The following BTBD9 variants were observed in gnomAD, a reference collection of about 807,000 sequenced individuals.
BTBD9 encodes the protein BTB/POZ domain-containing protein 9.
A neutral mutation model predicts 64.3 loss-of-function variants in BTBD9; 49 were observed. That is an observed-to-expected ratio of 0.76 (90% CI 0.61 to 0.97). The LOEUF is 0.97. Ranked by LOEUF, BTBD9 falls within the 50% of genes least tolerant of loss-of-function variation. The pLI is 0.00. For synonymous variants in BTBD9, 260 were observed against 274.7 expected, an observed-to-expected ratio of 0.95 and a Z score of 0.53; for missense variants, 598 against 762.1, an observed-to-expected ratio of 0.78 and a Z score of 2.53.
Position 38,170,850 on chromosome 6 carries a change from C to G in BTBD9, c.*4135G>C, listed in dbSNP as rs1391755789. On this transcript the variant is annotated 3_prime_UTR_variant, in exon 11 of 11. Transcript: ENST00000481247. ...AAATGGAGTATGCCCACCTCTGCCA[C>G]GGCATCGCTGCAGACCTGCCCTGCC... 1 of 152,388 alleles carries G rather than the reference C, an allele frequency of 6.6e-6. No individual in the cohort carries two copies. The highest frequency in any genetic ancestry group is 2.1e-4 in the South Asian group (1 of 4,832). 9.4% of individuals were successfully genotyped at this position (152,388 alleles called of 1,614,324 possible).
At chr6:38,505,602 C>T (rs1285911144) in intron 6 of BTBD9, among the ~76,000 whole-genome samples, 14 of 148,656 alleles carry the variant, frequency 9.4e-5, no homozygotes, top group Admixed American at 2.0e-4. Context: ...CCAGCCTGAG[C>T]GACACAGCGA....
chr6:38,625,764 T>A (rs1271413163), intron 1 of BTBD9, among the ~76,000 whole-genome samples: 1 of 152,120 alleles, frequency 6.6e-6, no homozygotes, highest in Non-Finnish European at 1.5e-5. Context: ...GAACCTGAGA[T>A]AGAATAAGGA....
chr6:38,405,109 T>C (rs1767106698), intron 6 of BTBD9, among the ~76,000 whole-genome samples: 2 of 152,188 alleles, frequency 1.3e-5, no homozygotes, highest in South Asian at 4.1e-4. Context: ...TGCCTGATGG[T>C]TGTAGCTTTG....
intron 6 of BTBD9, among the ~76,000 whole-genome samples, chr6:38,377,420 T>A (rs1451547819): frequency 3.3e-5 from 5 of 152,152 alleles, no homozygotes; most frequent in African/African-American, 1.2e-4. Context: ...TTTAAGAATA[T>A]CAGAAACCAA....
chr6:38,227,758 T>TTGCCAAGAACTCA (rs1335746256), intron 9 of BTBD9, among the ~76,000 whole-genome samples: 1 of 152,224 alleles, frequency 6.6e-6, no homozygotes, highest in Non-Finnish European at 1.5e-5. Flanking sequence ...CATTCTCTCC[T>TTGCCAAGAACTCA]TGCCAAGAAC....
At chr6:38,202,841 C>G (rs1319900552) in intron 9 of BTBD9, among the ~76,000 whole-genome samples, 2 of 152,108 alleles carry the variant, frequency 1.3e-5, no homozygotes, top group Non-Finnish European at 2.9e-5. Flanking sequence ...GGATATTGGT[C>G]TAGCCAAATG....
intron 6 of BTBD9, among the ~76,000 whole-genome samples, chr6:38,355,945 A>G (rs895445388): frequency 6.6e-6 from 1 of 152,102 alleles, no homozygotes; most frequent in African/African-American, 2.4e-5. Context: ...TTCGTATATG[A>G]TTGGTTGTTT....
At chr6:38,400,229 C>G (rs150629921) in intron 6 of BTBD9, among the ~76,000 whole-genome samples, 1 of 152,110 alleles carries the variant, frequency 6.6e-6, no homozygotes, top group Non-Finnish European at 1.5e-5. Context: ...ATTGCTCTCT[C>G]GCTGCTAGCC....
At chr6:38,429,510 T>C (rs1291478573) in intron 6 of BTBD9, among the ~76,000 whole-genome samples, 1 of 151,418 alleles carries the variant, frequency 6.6e-6, no homozygotes, top group Non-Finnish European at 1.5e-5. Context: ...TACCACCCTA[T>C]TGAGCACCTT....
At chr6:38,236,936 T>C (rs1282240274) in intron 9 of BTBD9, among the ~76,000 whole-genome samples, 2 of 152,216 alleles carry the variant, frequency 1.3e-5, no homozygotes, top group African/African-American at 4.8e-5. Context: ...GAGATGGCTG[T>C]GCCAAATGAA....
At chr6:38,489,614 C>T (rs904416827) in intron 6 of BTBD9, among the ~76,000 whole-genome samples, 2 of 152,092 alleles carry the variant, frequency 1.3e-5, no homozygotes, top group Non-Finnish European at 2.9e-5. Context: ...ACTTCTAGGA[C>T]GGACCAGCTT....
intron 10 of BTBD9, among the ~76,000 whole-genome samples, chr6:38,176,302 G>A (rs186972456): frequency 3.3e-5 from 5 of 152,270 alleles, no homozygotes; most frequent in Non-Finnish European, 5.9e-5. Context: ...TAAATTCCAC[G>A]CTTACCTCCC....
intron 9 of BTBD9, among the ~76,000 whole-genome samples, chr6:38,206,568 A>AT (rs139617883): frequency 1.6e-3 from 237 of 152,070 alleles, no homozygotes; most frequent in African/African-American, 5.5e-3. Flanking sequence ...AAAACAAATG[A>AT]TAAAAAAAAA....
intron 6 of BTBD9, among the ~76,000 whole-genome samples, chr6:38,349,178 G>A (rs1020317744): frequency 2.6e-5 from 4 of 152,020 alleles, no homozygotes; most frequent in South Asian, 2.1e-4. Context: ...GTGAGCCACC[G>A]CACCTGACCC....
chr6:38,355,116 T>C (rs968673224), intron 6 of BTBD9, among the ~76,000 whole-genome samples: 3 of 152,168 alleles, frequency 2.0e-5, no homozygotes, highest in African/African-American at 7.2e-5. Flanking sequence ...ATAAGAGATT[T>C]TGCTGCTGAA....
chr6:38,299,206 A>G (rs1223350951), intron 7 of BTBD9, among the ~76,000 whole-genome samples: 4 of 152,196 alleles, frequency 2.6e-5, no homozygotes, highest in Non-Finnish European at 5.9e-5. Flanking sequence ...TTATGGCTGC[A>G]TAGTATTCCA....
intron 9 of BTBD9, among the ~76,000 whole-genome samples, chr6:38,230,274 C>A (rs1254486662): frequency 6.6e-6 from 1 of 152,016 alleles, no homozygotes; most frequent in African/African-American, 2.4e-5. Context: ...GCAGACAGAT[C>A]ACCTGAGGTC....
chr6:38,239,031 A>G (rs150981277), intron 9 of BTBD9, among the ~76,000 whole-genome samples: 15 of 152,254 alleles, frequency 9.9e-5, no homozygotes, highest in African/African-American at 2.9e-4. Context: ...ACTCCATTCA[A>G]TCTTAATGGG....
chr6:38,222,423 T>TGG (rs1561892566), intron 9 of BTBD9, among the ~76,000 whole-genome samples: 8 of 151,636 alleles, frequency 5.3e-5, no homozygotes, highest in African/African-American at 7.3e-5. Flanking sequence ...ACCATGCCCA[T>TGG]CTAATTTTTG....
Sources: allele counts gnomAD v4.1 joint callset (sites outside exome capture counted in the v4.1 genomes callset), GRCh38; gene constraint gnomAD v4.1.1; transcripts MANE v1.5; gene names NCBI Gene and HGNC (gene_info 2026-07-23, HGNC 2026-07-21).